The following KANK1 variants were observed in gnomAD, a reference collection of about 807,000 sequenced individuals.
The protein encoded by KANK1 is KN motif and ankyrin repeat domain-containing protein 1.
In KANK1, 109 loss-of-function variants were observed where a neutral mutation model predicts 106.2. That is an observed-to-expected ratio of 1.03 (90% CI 0.88 to 1.20). The LOEUF is 1.20. KANK1 is among the 50% of genes most tolerant of loss of function. The pLI is 0.00. For synonymous variants in KANK1, 873 were observed against 652.2 expected, an observed-to-expected ratio of 1.34 and a Z score of -5.16; for missense variants, 2,399 against 1,710.7, an observed-to-expected ratio of 1.40 and a Z score of -7.10.
chr9:491,374 TCTC>T (rs1339144373), intron 3 of KANK1, among the ~76,000 whole-genome samples: 3 of 151,324 alleles, frequency 2.0e-5, no homozygotes, highest in Non-Finnish European at 4.4e-5. Context: ...TTCAAGCAAT[TCTC>T]CTGCCTCAGC....
At chr9:641,621 TA>T (rs1838451318) in intron 1 of KANK1, among the ~76,000 whole-genome samples, 1 of 152,164 alleles carries the variant, frequency 6.6e-6, no homozygotes. Flanking sequence ...CAAGGAAGCG[TA>T]GCCTGTGTCC....
chr9:731,287 T>G, intron 5 of KANK1, 21 bp downstream of exon 5: 1 of 1,394,068 alleles, frequency 7.2e-7, no homozygotes, highest in Non-Finnish European at 1.0e-6. Flanking sequence ...ATGGTGGTTC[T>G]AGAGGCTAAT....
chr9:530,650 A>G (rs557999534), intron 1 of KANK1, among the ~76,000 whole-genome samples: 2 of 152,316 alleles, frequency 1.3e-5, no homozygotes, highest in South Asian at 2.1e-4. Context: ...TGTATTAAAT[A>G]TTTTATTGTT....
chr9:614,189 G>C (rs1355998794), intron 1 of KANK1, among the ~76,000 whole-genome samples: 1 of 152,064 alleles, frequency 6.6e-6, no homozygotes, highest in African/African-American at 2.4e-5. Context: ...TCACAAACCA[G>C]CTGTGAGATA....
intron 3 of KANK1, among the ~76,000 whole-genome samples, chr9:474,980 G>GA (rs1451478091): frequency 1.3e-5 from 2 of 152,110 alleles, no homozygotes; most frequent in African/African-American, 4.8e-5. Context: ...CCCTGACCAG[G>GA]AATGTCAGGT....
At chr9:506,451 T>C (rs1029882784) in intron 1 of KANK1, among the ~76,000 whole-genome samples, 1 of 152,180 alleles carries the variant, frequency 6.6e-6, no homozygotes, top group African/African-American at 2.4e-5. Flanking sequence ...GGCACAGGGA[T>C]GCTTTCTGGG....
intron 2 of KANK1, among the ~76,000 whole-genome samples, chr9:702,278 C>G (rs1388936433): frequency 6.6e-6 from 1 of 152,132 alleles, no homozygotes; most frequent in African/African-American, 2.4e-5. Flanking sequence ...TGTTAGTTAG[C>G]AGGCCATCCA....
At chr9:619,602 T>G (rs997712574) in intron 1 of KANK1, among the ~76,000 whole-genome samples, 10 of 152,160 alleles carry the variant, frequency 6.6e-5, no homozygotes, top group Admixed American at 2.0e-4. Context: ...TAGTGAGTGA[T>G]AAAGATAAGT....
At chr9:652,501 C>G (rs575397525) in intron 1 of KANK1, among the ~76,000 whole-genome samples, 3 of 151,970 alleles carry the variant, frequency 2.0e-5, no homozygotes, top group Non-Finnish European at 4.4e-5. Context: ...CCAGCCTGGG[C>G]GACAAGAGCG....
In KANK1 at chr9:678,376, G is replaced by GTCA. The variant is rs1411573133; in HGVS notation, c.37+1376_37+1378dup. On this transcript the variant is annotated intron_variant, in intron 2 of 11. Transcript: ENST00000382297. ...AATGAGATTAAGCTATTATTTTACT[G>GTCA]TCATCATCATCCCTATGTAATGTCA... 2.0e-5 allele frequency among the ~76,000 whole-genome samples: 3 copies of GTCA among 152,002 alleles called. No individual in the cohort carries two copies. In the East Asian group the frequency reaches 5.8e-4, roughly 29 times the overall value.
chr9:576,690 T>G (rs1416529105), intron 1 of KANK1, among the ~76,000 whole-genome samples: 1 of 152,174 alleles, frequency 6.6e-6, no homozygotes, highest in Non-Finnish European at 1.5e-5. Context: ...AGCTTCATCT[T>G]GAACTTGGTG....
intron 1 of KANK1, among the ~76,000 whole-genome samples, chr9:575,933 A>T (rs1256929787): frequency 6.6e-6 from 1 of 152,162 alleles, no homozygotes; most frequent in African/African-American, 2.4e-5. Context: ...TGAGGCAGGA[A>T]GATCGCTTGA....
chr9:745,176 A>T lies in KANK1; in HGVS notation c.4000A>T (p.Thr1334Ser), dbSNP rs1424453780. The change falls in exon 12 of 12, where the codon ACC becomes TCC. Residue 1334 changes from threonine (T) to serine (S), a missense_variant. Transcript: ENST00000382297. ...TTTTTCCTTTCCTGGTCTCTAGGGC[A>T]CCCCTAGGCTTGGAAGGAAGACGTC... ...VNFAKAQSPG[T>S]PRLGRKTSPG... 1.2e-6 allele frequency: 2 copies of T among 1,613,520 alleles called. No individual in the cohort carries two copies. The highest frequency in any genetic ancestry group is 1.7e-5 in the Admixed American group (1 of 59,962).
At chr9:721,059 C>T (rs1297233523) in intron 3 of KANK1, among the ~76,000 whole-genome samples, 3 of 152,218 alleles carry the variant, frequency 2.0e-5, no homozygotes, top group Non-Finnish European at 4.4e-5. Flanking sequence ...TTTGAAAATA[C>T]TGATGCCTGC....
chr9:742,501 C>T lies in KANK1; in HGVS notation c.3897+96C>T, dbSNP rs938965039. ...TTTGGCCAGGAGCGACCAAATCCTCCTCTATTCTCCTCTGGGATTTGTGTC... is the reference window on the plus strand; with the variant it reads ...TTTGGCCAGGAGCGACCAAATCCTCTTCTATTCTCCTCTGGGATTTGTGTC... On this transcript the variant is annotated intron_variant, in intron 10 of 11. Coordinates refer to ENST00000382297, the MANE Select transcript of KANK1 (RefSeq NM_015158.5). 1.2e-5 allele frequency: 10 copies of T among 848,124 alleles called. No individual in the cohort carries two copies. In the African/African-American group the frequency reaches 1.5e-4, roughly 13 times the overall value. 52.5% of individuals were successfully genotyped at this position (848,124 alleles called of 1,614,324 possible).
At chr9:491,153 C>T (rs112932196) in intron 3 of KANK1, among the ~76,000 whole-genome samples, 1 of 151,968 alleles carries the variant, frequency 6.6e-6, no homozygotes, top group Non-Finnish European at 1.5e-5. Flanking sequence ...TAGAGATGTG[C>T]TCTTGCCATG....
chr9:536,112 C>A (rs1476929318), intron 1 of KANK1, among the ~76,000 whole-genome samples: 1 of 151,938 alleles, frequency 6.6e-6, no homozygotes, highest in Non-Finnish European at 1.5e-5. Flanking sequence ...CTGAGGTGGG[C>A]GGATCACTTG....
intron 1 of KANK1, among the ~76,000 whole-genome samples, chr9:610,302 A>G (rs1230386236): frequency 6.6e-6 from 1 of 152,206 alleles, no homozygotes; most frequent in Non-Finnish European, 1.5e-5. Flanking sequence ...AGATGAAAAA[A>G]CATTCTCACT....
chr9:637,305 C>G (rs1194256280), intron 1 of KANK1, among the ~76,000 whole-genome samples: 2 of 152,098 alleles, frequency 1.3e-5, no homozygotes, highest in African/African-American at 4.8e-5. Context: ...CATTTTTTCT[C>G]TGGCCTTTCA....
Sources: gnomAD v4.1 joint callset for allele counts (sites outside exome capture counted in the v4.1 genomes callset) on GRCh38, gnomAD v4.1.1 for gene constraint, MANE v1.5 for transcripts, NCBI Gene and HGNC (gene_info 2026-07-23, HGNC 2026-07-21) for gene names.